Variants in FHIP2B observed in about 807,000 individuals in gnomAD.
FHIP2B encodes FHF complex subunit HOOK-interacting protein 2B.
Under a neutral mutation model 84.0 loss-of-function variants are expected in FHIP2B, and 72 were observed. The observed-to-expected ratio is 0.86, with a 90% CI of 0.71 to 1.04. The LOEUF (loss-of-function observed/expected upper bound fraction) is 1.04. Among genes scored for constraint, FHIP2B ranks in the 50% least tolerant of loss-of-function variants. The probability of loss-of-function intolerance (pLI) is 0.00; values close to 1 mark genes in which losing one functional copy is unlikely to be tolerated. For synonymous variants in FHIP2B, 497 were observed against 418.7 expected (o/e 1.19, Z -2.28); for missense variants, 972 against 968.9 (o/e 1.00, Z -0.04).
In FHIP2B at chr8:22,103,218, G is replaced by C; in HGVS notation, c.*287G>C. On this transcript the variant is annotated 3_prime_UTR_variant, in exon 17 of 17. Transcript: ENST00000289921. The stretch of plus-strand genomic sequence containing the variant: ...CCCAGACCCCAGACCCTCATGTGCT[G>C]TGTGCCTGGCCCCTTCTGTACTGGC... 1 of 451,924 alleles carries C rather than the reference G, an allele frequency of 2.2e-6. No individual in the cohort carries two copies. Among genetic ancestry groups the C allele is most frequent in the Admixed American group, 3.8e-5 (1 of 26,524 alleles). 28.0% of individuals were successfully genotyped at this position (451,924 alleles called of 1,614,324 possible).
intron 3 of FHIP2B, among the ~76,000 whole-genome samples, chr8:22,097,296 C>T (rs1825824171): frequency 6.6e-6 from 1 of 152,058 alleles, no homozygotes; most frequent in Non-Finnish European, 1.5e-5. Context: ...GGACACAGCT[C>T]TGACAGGCGC....
rs754930275 is a variant in FHIP2B, at chr8:22,100,938, G to A, written c.1582G>A (p.Asp528Asn). The change falls in exon 12 of 17, where the codon GAT becomes AAT. Residue 528 changes from aspartate to asparagine, a missense_variant. Coordinates refer to ENST00000289921, the MANE Select transcript of FHIP2B (RefSeq NM_022749.7). ...TCGCCTAGCTCCTGCTACCAGTTAC[G>A]ATGGCAAAACAGCAGTGACCGAGAT... ...KPRLAPATSY[D>N]GKTAVTEIVN... is the part of the protein sequence containing the mutation. The A allele has an allele frequency of 2.4e-5, 38 of 1,613,734 alleles. No individual in the cohort carries two copies. The Middle Eastern group carries it at 4.9e-4, about 21-fold the overall frequency.
In FHIP2B at chr8:22,103,815, G is replaced by A. The variant is rs886794048; in HGVS notation, c.*884G>A. The A allele has an allele frequency of 6.6e-6, 1 of 152,474 alleles. No homozygotes were observed. The highest frequency in any genetic ancestry group is 1.5e-5 in the Non-Finnish European group (1 of 68,082). The allele number at this position is 152,474 out of a possible 1,614,324, so 9.4% of individuals were successfully genotyped here. On this transcript the variant is annotated 3_prime_UTR_variant, in exon 17 of 17. Coordinates refer to ENST00000289921, the MANE Select transcript of FHIP2B (RefSeq NM_022749.7). The stretch of plus-strand genomic sequence containing the variant: ...GACAGATAAGGGAAGGACGCCCCCT[G>A]ACTCCAGGCCCCTGAGCCTGGCGGG...
Position 22,089,196 on chromosome 8 carries a change from T to A in FHIP2B, c.-58T>A, listed in dbSNP as rs1195520331. 8.7e-6 allele frequency: 9 copies of A among 1,035,590 alleles called. No homozygotes were observed. In the Admixed American group the frequency reaches 2.8e-4, roughly 32 times the overall value. The allele number at this position is 1,035,590 out of a possible 1,614,324, so 64.2% of individuals were successfully genotyped here. On this transcript the variant is annotated 5_prime_UTR_variant, in exon 1 of 17. Coordinates refer to ENST00000289921, the MANE Select transcript of FHIP2B (RefSeq NM_022749.7). Reference sequence around the variant, plus strand: ...CCGCCGGGGCCACGGGGCTGCCTCCTCCGCCTAGAGCGCTGCCGCCGCCGC... The same window carrying A: ...CCGCCGGGGCCACGGGGCTGCCTCCACCGCCTAGAGCGCTGCCGCCGCCGC...
At position 22,098,105 on chromosome 8, in the gene FHIP2B, A is replaced by T. The variant is rs767790093; in HGVS notation, c.563A>T (p.Glu188Val). The change falls in exon 6 of 17, where the codon GAA becomes GTA. Residue 188 changes from glutamate (E) to valine (V), a missense_variant. By Grantham distance (121) the Glu-to-Val change is moderately radical. Transcript: ENST00000289921. ...KIVGRKKACGEPTALPKDTTS... is the reference protein window; with the variant it reads ...KIVGRKKACGVPTALPKDTTS... ...GTAGGTAGGAAGAAAGCATGCGGAG[A>T]ACCCACTGCCCTGCCTAAGGACACA... The T allele has an allele frequency of 9.4e-6, 15 of 1,590,170 alleles. No individual in the cohort carries two copies. The highest frequency in any genetic ancestry group is 1.7e-4 in the Middle Eastern group (1 of 6,054).
intron 9 of FHIP2B, 110 bp downstream of exon 9, chr8:22,099,470 T>C (rs756506497): frequency 5.0e-5 from 63 of 1,248,586 alleles, no homozygotes; most frequent in Non-Finnish European, 6.5e-5. Context: ...GAATCCCATT[T>C]GTGGACCCCA....
intron 15 of FHIP2B, 36 bp from the exon 16 acceptor site, chr8:22,102,492 T>C: frequency 6.5e-7 from 1 of 1,544,720 alleles, no homozygotes; most frequent in East Asian, 2.4e-5. Flanking sequence ...CTGGTGTTGC[T>C]GGCCCCATCT....
At chr8:22,094,301 C>A in intron 1 of FHIP2B, 139 bp from the exon 2 acceptor site, 1 of 727,694 alleles carries the variant, frequency 1.4e-6, no homozygotes, top group Non-Finnish European at 2.1e-6. Flanking sequence ...TTATTCCTCC[C>A]TTTGAAAGCC....
At position 22,096,411 on chromosome 8, in the gene FHIP2B, G is replaced by GAGC; in HGVS notation, c.208_210dup (p.Gln70dup). The GAGC allele has an allele frequency of 6.4e-7, 1 of 1,557,958 alleles. No homozygotes were observed. The highest frequency in any genetic ancestry group is 8.7e-7 in the Non-Finnish European group (1 of 1,150,832). On this transcript the variant is annotated inframe_insertion, in exon 3 of 17. Coordinates refer to ENST00000289921, the MANE Select transcript of FHIP2B (RefSeq NM_022749.7). ...GATGCTGGATATCCTGGTGTATGAA[G>GAGC]AGCAGCAGCAGGCGGCCGCGGGTGA...
At chr8:22,099,439 G>C in intron 9 of FHIP2B, 79 bp downstream of exon 9, 2 of 1,438,564 alleles carry the variant, frequency 1.4e-6, no homozygotes, top group Non-Finnish European at 9.5e-7. Context: ...CTGTCCCTAA[G>C]GCCAGACACC....
intron 1 of FHIP2B, chr8:22,089,891 G>T (rs1398176277): frequency 2.4e-6 from 3 of 1,238,828 alleles, no homozygotes; most frequent in Non-Finnish European, 3.2e-6. Context: ...CCCCCAGCCG[G>T]GGAAATCGCC....
rs755041962 is a variant in FHIP2B, at chr8:22,098,575, C to T, written c.921C>T (p.Phe307=). Reference sequence around the variant, plus strand: ...AGTTGTACCGGTCCATGCCTGTCTTCCTGGACCCCGCAGACATTGCCACCT... The same window carrying T: ...AGTTGTACCGGTCCATGCCTGTCTTTCTGGACCCCGCAGACATTGCCACCT... The part of the protein sequence containing the change: ...LCQLYRSMPV[F]LDPADIATLE... Residue 307 remains phenylalanine (F), a synonymous_variant, in exon 7 of 17, where the codon TTC becomes TTT. Coordinates refer to ENST00000289921, the MANE Select transcript of FHIP2B (RefSeq NM_022749.7). 6.2e-6 allele frequency: 10 copies of T among 1,606,976 alleles called. No individual in the cohort carries two copies. The highest frequency in any genetic ancestry group is 8.5e-6 in the Non-Finnish European group (10 of 1,177,000).
chr8:22,099,489 T>C, intron 9 of FHIP2B, 129 bp downstream of exon 9: 1 of 1,154,976 alleles, frequency 8.7e-7, no homozygotes, highest in Non-Finnish European at 1.2e-6. Context: ...CATTGGGTGA[T>C]GTTTGCCAGG....
chr8:22,089,166 C>T lies in FHIP2B; in HGVS notation c.-88C>T. ...CCGGGCCCCGCCCCCCTCGTCGCGC[C>T]GGGGCCGCCGGGGCCACGGGGCTGC... On this transcript the variant is annotated 5_prime_UTR_variant, in exon 1 of 17. Coordinates refer to ENST00000289921, the MANE Select transcript of FHIP2B (RefSeq NM_022749.7). 3.4e-6 allele frequency: 3 copies of T among 877,142 alleles called. No homozygotes were observed. Among genetic ancestry groups the T allele is most frequent in the Non-Finnish European group, 2.8e-6 (2 of 718,506 alleles). 54.3% of individuals were successfully genotyped at this position (877,142 alleles called of 1,614,324 possible).
rs374953353 is a variant in FHIP2B at position 22,102,247 on chromosome 8, G to C, written c.1924G>C (p.Glu642Gln). The C allele has an allele frequency of 1.1e-5, 18 of 1,613,094 alleles. No homozygotes were observed. The highest frequency in any genetic ancestry group is 6.7e-5 in the African/African-American group (5 of 74,892). Residue 642 changes from glutamate to glutamine, a missense_variant, in exon 15 of 17, where the codon GAG becomes CAG. By Grantham distance (29) the Glu-to-Gln change is conservative. Transcript: ENST00000289921. ...LALFPHPHIHEYLLDPYISLA... is the reference protein window; with the variant it reads ...LALFPHPHIHQYLLDPYISLA... ...CCTCTTCCCCCACCCCCATATTCAT[G>C]AGTACCTGCTGGATCCGTACATCAG...
chr8:22,093,144 G>A (rs1381479451), intron 1 of FHIP2B, among the ~76,000 whole-genome samples: 1 of 152,186 alleles, frequency 6.6e-6, no homozygotes, highest in African/African-American at 2.4e-5. Context: ...GCTGGGGACT[G>A]AACCTCACTG....
At chr8:22,102,364 C>T (rs1269548197) in intron 15 of FHIP2B, 49 bp downstream of exon 15, 1 of 1,569,090 alleles carries the variant, frequency 6.4e-7, no homozygotes, top group East Asian at 2.2e-5. Flanking sequence ...GTGGAGGGGA[C>T]ATCAGGGAAA....
At chr8:22,097,443 T>C (rs903032252) in intron 3 of FHIP2B, 73 bp from the exon 4 acceptor site, 10 of 1,364,180 alleles carry the variant, frequency 7.3e-6, no homozygotes, top group Non-Finnish European at 9.1e-6. Context: ...GCTCTGTCCC[T>C]GGCCTCAGTA....
At chr8:22,101,116 G>T in intron 12 of FHIP2B, 144 bp downstream of exon 12, 1 of 1,069,988 alleles carries the variant, frequency 9.3e-7, no homozygotes. Context: ...CCCGGGTTCC[G>T]GATCCAAGCG....
Sources: gnomAD v4.1 joint callset for allele counts (sites outside exome capture counted in the v4.1 genomes callset) on GRCh38, gnomAD v4.1.1 for gene constraint, MANE v1.5 for transcripts, NCBI Gene and HGNC (gene_info 2026-07-23, HGNC 2026-07-21) for gene names.